Variants in UNC5D observed in about 807,000 individuals in gnomAD.
The protein encoded by UNC5D is netrin receptor UNC5D.
UNC5D carries 39 observed loss-of-function variants against 105.4 expected under a neutral mutation model. The observed-to-expected ratio is 0.37, with a 90% CI of 0.29 to 0.48. The LOEUF (loss-of-function observed/expected upper bound fraction) is 0.48. Among genes scored for constraint, UNC5D ranks in the 20% least tolerant of loss-of-function variants. UNC5D has a pLI of 0.98. For synonymous variants in UNC5D, 452 were observed against 450.4 expected (o/e 1.00, Z -0.04); for missense variants, 991 against 1,202.4 (o/e 0.82, Z 2.60).
At chr8:35,648,974 A>G (rs1025146863) in intron 4 of UNC5D, among the ~76,000 whole-genome samples, 3 of 152,184 alleles carry the variant, frequency 2.0e-5, no homozygotes, top group African/African-American at 7.2e-5. Flanking sequence ...TATAGGGTCT[A>G]GTAAGGCAAT....
chr8:35,522,279 G>A (rs1813537869), intron 1 of UNC5D, among the ~76,000 whole-genome samples: 1 of 152,152 alleles, frequency 6.6e-6, no homozygotes, highest in Non-Finnish European at 1.5e-5. Context: ...GTTCTAATCA[G>A]TTGTGCACCC....
chr8:35,464,657 G>C (rs548951410), intron 1 of UNC5D, among the ~76,000 whole-genome samples: 67 of 151,938 alleles, frequency 4.4e-4, no homozygotes, highest in African/African-American at 1.4e-3. Context: ...TTTTAAATGG[G>C]AGGCAATCTT....
At chr8:35,705,057 G>A (rs1448846269) in intron 7 of UNC5D, among the ~76,000 whole-genome samples, 2 of 149,198 alleles carry the variant, frequency 1.3e-5, no homozygotes, top group Non-Finnish European at 2.9e-5. Flanking sequence ...TCTGCCCCCT[G>A]GGTTTCAAGC....
chr8:35,514,260 C>T (rs1466531449), intron 1 of UNC5D, among the ~76,000 whole-genome samples: 6 of 152,190 alleles, frequency 3.9e-5, no homozygotes, highest in African/African-American at 1.4e-4. Context: ...GCAACCTTCT[C>T]TCCCTCATTA....
chr8:35,321,096 C>A (rs946077324), intron 1 of UNC5D, among the ~76,000 whole-genome samples: 12 of 152,082 alleles, frequency 7.9e-5, no homozygotes, highest in Non-Finnish European at 1.6e-4. Context: ...ATTAATTTTG[C>A]ATCAGCTTTA....
intron 1 of UNC5D, among the ~76,000 whole-genome samples, chr8:35,517,138 TC>T (rs1383482369): frequency 6.6e-6 from 1 of 152,146 alleles, no homozygotes; most frequent in Non-Finnish European, 1.5e-5. Context: ...TTTCATCCTT[TC>T]CAAGATCCTC....
rs893501916 is a variant in UNC5D at position 35,792,127 on chromosome 8, G to A, written c.*1564G>A. 1.3e-5 allele frequency: 2 copies of A among 152,110 alleles called. No individual in the cohort carries two copies. Among genetic ancestry groups the A allele is most frequent in the Non-Finnish European group, 2.9e-5 (2 of 68,012 alleles). 9.4% of individuals were successfully genotyped at this position (152,110 alleles called of 1,614,324 possible). A position where few individuals can be genotyped will look rare whatever the true frequency, so the allele number is the denominator to read the frequency against. ...TAAAAAGTAGTCAGGGAATGGGGGA[G>A]GTGGGGAGTTGGGGAGTACTTGGCA... On this transcript the variant is annotated 3_prime_UTR_variant, in exon 17 of 17. Coordinates refer to ENST00000404895, the MANE Select transcript of UNC5D (RefSeq NM_080872.4).
intron 4 of UNC5D, among the ~76,000 whole-genome samples, chr8:35,601,017 T>C (rs1401343300): frequency 5.3e-5 from 8 of 152,124 alleles, no homozygotes; most frequent in African/African-American, 7.2e-5. Context: ...TTTCTACATA[T>C]GGCTAGCCAG....
intron 14 of UNC5D, among the ~76,000 whole-genome samples, 170 bp from the exon 15 acceptor site, chr8:35,766,732 T>C (rs983058696): frequency 6.6e-6 from 1 of 152,242 alleles, no homozygotes; most frequent in African/African-American, 2.4e-5. Flanking sequence ...TGGAACATTA[T>C]TTTTACAACA....
At chr8:35,691,312 G>A (rs925115169) in intron 7 of UNC5D, among the ~76,000 whole-genome samples, 9 of 152,138 alleles carry the variant, frequency 5.9e-5, no homozygotes, top group African/African-American at 7.2e-5. Flanking sequence ...GCAAGACCCC[G>A]GTCTCTACAA....
At chr8:35,689,396 T>C (rs1586442061) in intron 7 of UNC5D, among the ~76,000 whole-genome samples, 1 of 152,378 alleles carries the variant, frequency 6.6e-6, no homozygotes, top group East Asian at 1.9e-4. Context: ...CTAACTCTGA[T>C]ATCTGAGATG....
rs1301487823 is a variant in UNC5D at position 35,326,772 on chromosome 8, G to GA, written c.103+90896dup. 2.8e-3 allele frequency among the ~76,000 whole-genome samples: 393 copies of GA among 139,416 alleles called. 1 individual carries two copies. Among genetic ancestry groups the GA allele is most frequent in the African/African-American group, 8.6e-3 (327 of 38,186 alleles). The allele number at this position is 139,416 out of a possible 152,430, so 91.5% of individuals were successfully genotyped here. A position where few individuals can be genotyped will look rare whatever the true frequency, so the allele number is the denominator to read the frequency against. On this transcript the variant is annotated intron_variant, in intron 1 of 16. Transcript: ENST00000404895. ...CTCTTTCTCTAAATAAAAAGTGAAG[G>GA]AAAAAAAAAAAGGCTCATATAAGGC...
intron 1 of UNC5D, among the ~76,000 whole-genome samples, chr8:35,495,085 G>A (rs1811461833): frequency 6.6e-6 from 1 of 152,126 alleles, no homozygotes; most frequent in African/African-American, 2.4e-5. Flanking sequence ...AAGAAAAGTA[G>A]TGACTGAGTT....
intron 1 of UNC5D, among the ~76,000 whole-genome samples, chr8:35,295,812 T>A (rs943802136): frequency 6.6e-5 from 10 of 152,210 alleles, no homozygotes; most frequent in African/African-American, 2.4e-4. Flanking sequence ...TTTGCAGCCT[T>A]TCACCAGCAT....
Position 35,480,600 on chromosome 8 carries a change from T to G in UNC5D, c.104-68692T>G, listed in dbSNP as rs146142632. ...ATTGAACAACTTTTTTTAATTGCTATATGTGAGAGTCTGTTCTATGTTTTT... is the reference window on the plus strand; with the variant it reads ...ATTGAACAACTTTTTTTAATTGCTAGATGTGAGAGTCTGTTCTATGTTTTT... On this transcript the variant is annotated intron_variant, in intron 1 of 16. Coordinates refer to ENST00000404895, the MANE Select transcript of UNC5D (RefSeq NM_080872.4). Among the ~76,000 whole-genome samples, 544 of 152,330 alleles carry G rather than the reference T, an allele frequency of 3.6e-3. 7 individuals carry two copies. The highest frequency in any genetic ancestry group is 0.012 in the African/African-American group (519 of 41,574).
chr8:35,374,523 A>G lies in UNC5D; in HGVS notation c.103+138636A>G, dbSNP rs555106558. On this transcript the variant is annotated intron_variant, in intron 1 of 16. Transcript: ENST00000404895. ...ATGGTAGAGTTAGGTTGCTCACAGG[A>G]ATGAGACTAGACCAAAAGGAGACTA... 6.2e-4 allele frequency among the ~76,000 whole-genome samples: 94 copies of G among 152,360 alleles called. 1 individual carries two copies. Among genetic ancestry groups the G allele is most frequent in the African/African-American group, 1.7e-3 (70 of 41,588 alleles).
At chr8:35,336,152 A>G (rs542732463) in intron 1 of UNC5D, among the ~76,000 whole-genome samples, 133 of 152,322 alleles carry the variant, frequency 8.7e-4, no homozygotes, top group African/African-American at 3.1e-3. Context: ...ATATCTATGT[A>G]TATACGGAGA....
At chr8:35,513,933 C>A (rs1326523994) in intron 1 of UNC5D, among the ~76,000 whole-genome samples, 4 of 152,152 alleles carry the variant, frequency 2.6e-5, no homozygotes, top group Non-Finnish European at 5.9e-5. Flanking sequence ...TAAGCTATTG[C>A]AAACATACAC....
chr8:35,269,827 C>G (rs1038042623), intron 1 of UNC5D, among the ~76,000 whole-genome samples: 3 of 152,046 alleles, frequency 2.0e-5, no homozygotes, highest in African/African-American at 7.2e-5. Context: ...AGCAGTGAGT[C>G]CAAGGTCACA....
Sources: gnomAD v4.1 joint callset for allele counts (sites outside exome capture counted in the v4.1 genomes callset) on GRCh38, gnomAD v4.1.1 for gene constraint, MANE v1.5 for transcripts, NCBI Gene and HGNC (gene_info 2026-07-23, HGNC 2026-07-21) for gene names.